TCF20: variants seen among roughly 807,000 people sequenced by gnomAD.
The protein encoded by TCF20 is transcription factor 20.
Under a neutral mutation model 148.6 loss-of-function variants are expected in TCF20, and 3 were observed. That is an observed-to-expected ratio of 0.02 (90% CI 0.01 to 0.05). TCF20 has a LOEUF of 0.05. Ranked by LOEUF, TCF20 falls within the 10% of genes least tolerant of loss-of-function variation. The pLI is 1.00. For synonymous variants in TCF20, 1,049 were observed against 909.5 expected, an observed-to-expected ratio of 1.15 and a Z score of -2.76; for missense variants, 2,350 against 2,429.3, an observed-to-expected ratio of 0.97 and a Z score of 0.69.
At chr22:42,251,903 T>C (rs1925400644) in intron 1 of TCF20, among the ~76,000 whole-genome samples, 1 of 152,106 alleles carries the variant, frequency 6.6e-6, no homozygotes, top group Admixed American at 6.6e-5. Flanking sequence ...GATTATGGCA[T>C]CAAGAACTGT....
chr22:42,214,229 C>T lies in TCF20; in HGVS notation c.1077G>A (p.Gln359=), dbSNP rs1235679975. The T allele has an allele frequency of 1.3e-5, 21 of 1,614,086 alleles. No individual in the cohort carries two copies. Among genetic ancestry groups the T allele is most frequent in the Non-Finnish European group, 1.8e-5 (21 of 1,180,050 alleles). ...QPEVPVRSPM[Q]FHQNFSPISN... ...AAATGGGGCTGAAGTTCTGGTGAAA[C>T]TGCATGGGGGACCTCACAGGAACCT... Residue 359 remains glutamine, a synonymous_variant, in exon 2 of 6, where the codon CAG becomes CAA. Coordinates refer to ENST00000677622, the MANE Select transcript of TCF20 (RefSeq NM_001378418.1).
At chr22:42,337,945 C>A (rs924800728) in intron 1 of TCF20, among the ~76,000 whole-genome samples, 2 of 152,146 alleles carry the variant, frequency 1.3e-5, no homozygotes, top group Non-Finnish European at 2.9e-5. Flanking sequence ...GGTCTCAGGC[C>A]CTGCATACTC....
chr22:42,175,962 T>G (rs1039407979), intron 3 of TCF20, among the ~76,000 whole-genome samples: 2 of 150,908 alleles, frequency 1.3e-5, no homozygotes, highest in South Asian at 2.1e-4. Flanking sequence ...GCCTGGCTAA[T>G]TTTTTGTATT....
intron 1 of TCF20, among the ~76,000 whole-genome samples, chr22:42,324,134 T>A (rs1403177326): frequency 2.0e-5 from 3 of 148,962 alleles, no homozygotes; most frequent in African/African-American, 5.0e-5. Context: ...ATGGTGGTGG[T>A]GGTGGTGGTG....
chr22:42,328,436 T>A (rs779233547), intron 1 of TCF20, among the ~76,000 whole-genome samples: 27 of 152,160 alleles, frequency 1.8e-4, no homozygotes, highest in Admixed American at 4.6e-4. Context: ...GCTCTAGCAG[T>A]ACCCAGTCCC....
rs1601684723 is a variant in TCF20, at chr22:42,270,436, G to C, written c.-134C>G. Among the ~76,000 whole-genome samples the C allele has an allele frequency of 6.9e-6, 1 of 145,736 alleles. No individual in the cohort carries two copies. The highest frequency in any genetic ancestry group is 1.5e-5 in the Non-Finnish European group (1 of 65,654). On this transcript the variant is annotated 5_prime_UTR_variant, in exon 1 of 6. Coordinates refer to ENST00000677622, the MANE Select transcript of TCF20 (RefSeq NM_001378418.1). Reference sequence around the variant, plus strand: ...GCGGCGCTGCGCGGGGTGGGGGTGGGGGTGGCTCCGCCGCCTCCAGCTCGG... The same window carrying C: ...GCGGCGCTGCGCGGGGTGGGGGTGGCGGTGGCTCCGCCGCCTCCAGCTCGG...
At chr22:42,316,864 C>G (rs1417902632) in intron 1 of TCF20, among the ~76,000 whole-genome samples, 1 of 152,220 alleles carries the variant, frequency 6.6e-6, no homozygotes, top group Non-Finnish European at 1.5e-5. Context: ...GAAGCTGACA[C>G]TGGCAGAACT....
upstream of TCF20, among the ~76,000 whole-genome samples, chr22:42,271,710 G>A (rs118181882): frequency 0.014 from 2,154 of 152,282 alleles, 19 homozygotes; most frequent in Non-Finnish European, 0.023. Context: ...TAAAATTGCC[G>A]ATTCTAAATT....
intron 1 of TCF20, among the ~76,000 whole-genome samples, chr22:42,266,460 A>G (rs933282839): frequency 1.3e-5 from 2 of 152,204 alleles, no homozygotes; most frequent in Non-Finnish European, 2.9e-5. Flanking sequence ...ATTCCATTTT[A>G]TCTTACAGAG....
In TCF20 at chr22:42,299,700, G is replaced by A. The variant is rs1927299021; in HGVS notation, c.-37+43779C>T. Among the ~76,000 whole-genome samples the A allele has an allele frequency of 6.6e-6, 1 of 152,118 alleles. No individual in the cohort carries two copies. Among genetic ancestry groups the A allele is most frequent in the South Asian group, 2.1e-4 (1 of 4,834 alleles). On this transcript the variant is annotated intron_variant, in intron 1 of 1. Coordinates refer to the TCF20 transcript ENST00000515426. This position sits in a 1 kb window ranked among gnomAD's most constrained non-coding sequence, Gnocchi z 4.1. The stretch of plus-strand genomic sequence containing the variant: ...TTCAAGACCTCCTAGGAGTGACCTG[G>A]CTGGGGTCTCTCTAGGTCAGGTAAT...
chr22:42,293,884 C>T (rs1927177799), intron 1 of TCF20, among the ~76,000 whole-genome samples: 2 of 152,216 alleles, frequency 1.3e-5, no homozygotes, highest in South Asian at 4.1e-4. Context: ...CCTGTAATCC[C>T]AGCTACTCAG....
At chr22:42,341,594 C>G (rs1415315489) in intron 1 of TCF20, among the ~76,000 whole-genome samples, 1 of 152,174 alleles carries the variant, frequency 6.6e-6, no homozygotes, top group Non-Finnish European at 1.5e-5. Flanking sequence ...CTTCTGACAC[C>G]TGCTCCTTGT....
intron 1 of TCF20, among the ~76,000 whole-genome samples, chr22:42,260,259 G>C (rs1925958720): frequency 6.6e-6 from 1 of 152,156 alleles, no homozygotes; most frequent in Admixed American, 6.5e-5. Flanking sequence ...AGCTTAGAGA[G>C]CAAGAAGGAG....
intron 4 of TCF20, among the ~76,000 whole-genome samples, chr22:42,169,089 G>A (rs1004502415): frequency 1.3e-5 from 2 of 150,618 alleles, no homozygotes; most frequent in African/African-American, 4.9e-5. Context: ...TAGTACTTTC[G>A]GCCCTACTAG....
intron 2 of TCF20, among the ~76,000 whole-genome samples, chr22:42,186,458 T>C (rs1937051754): frequency 6.6e-6 from 1 of 152,256 alleles, no homozygotes; most frequent in Admixed American, 6.5e-5. Flanking sequence ...TCTGTCATAC[T>C]TTGGCAATTA....
chr22:42,316,141 CAAG>C (rs933764757), intron 1 of TCF20, among the ~76,000 whole-genome samples: 17 of 143,980 alleles, frequency 1.2e-4, no homozygotes, highest in Non-Finnish European at 1.5e-4. Flanking sequence ...GATTTAAAGA[CAAG>C]AGGCCACATC....
chr22:42,177,530 A>AT (rs1473686703), intron 3 of TCF20, among the ~76,000 whole-genome samples: 1 of 152,170 alleles, frequency 6.6e-6, no homozygotes, highest in Admixed American at 6.5e-5. Flanking sequence ...AAGAAAGGTG[A>AT]TTTTCCCAGG....
intron 1 of TCF20, among the ~76,000 whole-genome samples, chr22:42,252,597 C>G (rs776100475): frequency 1.1e-4 from 16 of 151,964 alleles, no homozygotes; most frequent in Non-Finnish European, 1.9e-4. Context: ...ATTACAGGCA[C>G]GCACCACCAT....
intron 2 of TCF20, among the ~76,000 whole-genome samples, chr22:42,187,313 A>G (rs939306528): frequency 2.6e-5 from 4 of 152,210 alleles, no homozygotes; most frequent in Non-Finnish European, 5.9e-5. Flanking sequence ...ATCATCTTTC[A>G]AGCATAATTT....
Sources: allele counts gnomAD v4.1 joint callset (sites outside exome capture counted in the v4.1 genomes callset), GRCh38; gene constraint gnomAD v4.1.1; non-coding constraint Gnocchi (gnomAD v3.1); transcripts MANE v1.5; gene names NCBI Gene and HGNC (gene_info 2026-07-23, HGNC 2026-07-21).